The following SCGB1C1 variants were observed in gnomAD, a reference collection of about 807,000 sequenced individuals.
The protein encoded by SCGB1C1 is secretoglobin family 1C member 1.
In SCGB1C1, 2 loss-of-function variants were observed where a neutral mutation model predicts 8.9. The observed-to-expected ratio is 0.23, with a 90% CI of 0.09 to 0.71. The LOEUF (loss-of-function observed/expected upper bound fraction) is 0.71. Ranked by LOEUF, SCGB1C1 falls within the 30% of genes least tolerant of loss-of-function variation. The probability of loss-of-function intolerance (pLI) is 0.78; values close to 1 mark genes in which losing one functional copy is unlikely to be tolerated. For synonymous variants in SCGB1C1, 6 were observed against 45.8 expected, an observed-to-expected ratio of 0.13 and a Z score of 3.51; for missense variants, 25 against 112.7, an observed-to-expected ratio of 0.22 and a Z score of 3.52.
At chr11:191,846 TA>T, upstream of SCGB1C1, among the ~76,000 whole-genome samples, 1 of 38,758 alleles carries the variant, frequency 2.6e-5, no homozygotes, top group Non-Finnish European at 7.4e-5. Flanking sequence ...ACCCTAACCC[TA>T]ACCCTAACCC....
rs199816295 is a variant in SCGB1C1 at position 193,797 on chromosome 11, G to C, written c.141G>C (p.Glu47Asp). Residue 47 changes from glutamate (E) to aspartate (D), a missense_variant, in exon 2 of 3, where the codon GAG becomes GAC. Coordinates refer to ENST00000342878, the MANE Select transcript of SCGB1C1 (RefSeq NM_145651.3). Reference protein sequence around the residue: ...LLVGTPEELYEGTLGKYNVNE... With the variant: ...LLVGTPEELYDGTLGKYNVNE... ...TGGGGACCCCAGAGGAGCTCTATGAGGGGACCTTGGGCAAGTACAATGTCA... is the reference window on the plus strand; with the variant it reads ...TGGGGACCCCAGAGGAGCTCTATGACGGGACCTTGGGCAAGTACAATGTCA... 0.01 allele frequency: 16,634 copies of C among 1,599,966 alleles called. No homozygotes were observed. The highest frequency in any genetic ancestry group is 0.013 in the Non-Finnish European group (14,717 of 1,168,344).
upstream of SCGB1C1, chr11:192,954 TG>T: frequency 2.4e-6 from 1 of 412,536 alleles, no homozygotes; most frequent in Non-Finnish European, 4.7e-6. Flanking sequence ...TGGCACCCAC[TG>T]GGGGCCAGGG....
At chr11:194,357 G>A in intron 2 of SCGB1C1, 61 bp from the exon 3 acceptor site, 1 of 1,048,256 alleles carries the variant, frequency 9.5e-7, no homozygotes, top group Admixed American at 1.8e-5. Flanking sequence ...TTGCCTGATG[G>A]AGCTGTGGCT....
At chr11:191,859 TA>T (rs61699550), upstream of SCGB1C1, among the ~76,000 whole-genome samples, 32 of 93,128 alleles carry the variant, frequency 3.4e-4, no homozygotes, top group Non-Finnish European at 4.0e-4. Flanking sequence ...CCCTAACCCC[TA>T]ACCCCTAACC....
At chr11:191,808 T>A (rs1341922364), upstream of SCGB1C1, among the ~76,000 whole-genome samples, 1 of 135,842 alleles carries the variant, frequency 7.4e-6, no homozygotes, top group Non-Finnish European at 1.7e-5. Context: ...AACCTAACCC[T>A]AACCCTAACC....
chr11:193,522 G>A (rs1412502476), intron 1 of SCGB1C1, among the ~76,000 whole-genome samples, 190 bp from the exon 2 acceptor site: 1 of 152,260 alleles, frequency 6.6e-6, no homozygotes, highest in Admixed American at 6.5e-5. Flanking sequence ...CTAAGATTAA[G>A]GGGGATGTGG....
chr11:190,126 C>CGGAGCCTATTGCTG (rs1854769458), upstream of SCGB1C1, among the ~76,000 whole-genome samples: 1 of 105,880 alleles, frequency 9.4e-6, no homozygotes, highest in African/African-American at 3.1e-5. Flanking sequence ...CGTACGCCGC[C>CGGAGCCTATTGCTG]TGCTGGCAGC....
chr11:193,051 G>A (rs144999256), upstream of SCGB1C1: 3,926 of 1,179,590 alleles, frequency 3.3e-3, 170 homozygotes, highest in African/African-American at 0.055. Context: ...GTCCGGTGAG[G>A]CATAAAATCC....
At chr11:188,511 GAAATT>G (rs1362506306), upstream of SCGB1C1, among the ~76,000 whole-genome samples, 1 of 152,266 alleles carries the variant, frequency 6.6e-6, no homozygotes, top group Non-Finnish European at 1.5e-5. Flanking sequence ...AAACAGAGGA[GAAATT>G]AAAAGTCAAA....
chr11:192,210 A>G (rs1477831083), upstream of SCGB1C1, among the ~76,000 whole-genome samples: 94 of 149,594 alleles, frequency 6.3e-4, no homozygotes, highest in African/African-American at 2.2e-3. Context: ...GATTTGAACA[A>G]TGCAGCTCAG....
At chr11:188,098 C>T (rs1173186348), upstream of SCGB1C1, among the ~76,000 whole-genome samples, 6 of 151,328 alleles carry the variant, frequency 4.0e-5, no homozygotes, top group South Asian at 4.2e-4. Flanking sequence ...AAGGCAAATC[C>T]GGGCTGTAAC....
chr11:189,636 A>G (rs1281634410), upstream of SCGB1C1, among the ~76,000 whole-genome samples: 38 of 152,300 alleles, frequency 2.5e-4, no homozygotes, highest in African/African-American at 9.1e-4. Flanking sequence ...GCAGAGACGC[A>G]CGTCCTCGGG....
upstream of SCGB1C1, among the ~76,000 whole-genome samples, chr11:191,547 T>A (rs1854807007): frequency 6.8e-6 from 1 of 147,624 alleles, no homozygotes; most frequent in African/African-American, 2.5e-5. Context: ...AAACAATAAG[T>A]TAAACAGCCC....
upstream of SCGB1C1, among the ~76,000 whole-genome samples, chr11:191,727 T>C (rs1310732193): frequency 1.3e-5 from 2 of 152,288 alleles, no homozygotes; most frequent in Admixed American, 6.5e-5. Flanking sequence ...GACAAATTGC[T>C]GAAGGAAAAA....
upstream of SCGB1C1, among the ~76,000 whole-genome samples, chr11:192,264 G>A (rs1854826875): frequency 2.0e-5 from 3 of 151,300 alleles, no homozygotes; most frequent in African/African-American, 7.3e-5. Context: ...GTCTCTCTTG[G>A]CATGGTTTTG....
At chr11:192,403 G>A (rs1340472313), upstream of SCGB1C1, among the ~76,000 whole-genome samples, 3 of 152,024 alleles carry the variant, frequency 2.0e-5, no homozygotes, top group African/African-American at 7.3e-5. Flanking sequence ...TGCTATCCTG[G>A]CTACTGATGG....
upstream of SCGB1C1, among the ~76,000 whole-genome samples, chr11:189,860 C>CTA (rs1854758418): frequency 1.3e-5 from 2 of 151,212 alleles, no homozygotes; most frequent in African/African-American, 4.8e-5. Context: ...CTCTTGCTCG[C>CTA]AATATAGTGG....
upstream of SCGB1C1, among the ~76,000 whole-genome samples, chr11:192,644 G>A (rs1854833321): frequency 6.6e-6 from 1 of 150,376 alleles, no homozygotes; most frequent in Admixed American, 6.6e-5. Context: ...GAGTAGTAAG[G>A]GGCCCCTGCC....
chr11:190,377 T>G (rs2354752), upstream of SCGB1C1, among the ~76,000 whole-genome samples: 2 of 86,646 alleles, frequency 2.3e-5, no homozygotes, highest in African/African-American at 3.8e-5. Context: ...GGAGCTATTA[T>G]TGGGGAGAGC....
Sources: allele counts gnomAD v4.1 joint callset (sites outside exome capture counted in the v4.1 genomes callset), GRCh38; gene constraint gnomAD v4.1.1; transcripts MANE v1.5; gene names NCBI Gene and HGNC (gene_info 2026-07-23, HGNC 2026-07-21).